Variants in CELF4 observed in about 807,000 individuals in gnomAD.
The protein encoded by CELF4 is CUG-BP- and ETR-3-like factor 4.
Under a neutral mutation model 59.9 loss-of-function variants are expected in CELF4, and 18 were observed. The observed-to-expected ratio is 0.30, with a 90% CI of 0.21 to 0.45. CELF4 has a LOEUF of 0.45. Ranked by LOEUF, CELF4 falls within the 20% of genes least tolerant of loss-of-function variation. CELF4 has a pLI of 1.00. For missense variants in CELF4, 456 were observed against 689.0 expected, an observed-to-expected ratio of 0.66 and a Z score of 3.79; for synonymous variants, 261 against 267.1, an observed-to-expected ratio of 0.98 and a Z score of 0.22.
chr18:37,442,360 T>G (rs964166710), intron 2 of CELF4, among the ~76,000 whole-genome samples: 29 of 152,194 alleles, frequency 1.9e-4, no homozygotes, highest in African/African-American at 4.6e-4. Context: ...GATCTCAGAT[T>G]GATTCTCACT....
chr18:37,558,806 C>CGT (rs147683102), intron 1 of CELF4, among the ~76,000 whole-genome samples: 15,533 of 145,392 alleles, frequency 0.11, 1,033 homozygotes, highest in Admixed American at 0.22. Flanking sequence ...GCTGTCAGGT[C>CGT]GTGTGTGTGT....
chr18:37,350,750 CAA>C (rs1300195318), intron 2 of CELF4, among the ~76,000 whole-genome samples: 1 of 152,228 alleles, frequency 6.6e-6, no homozygotes, highest in Non-Finnish European at 1.5e-5. Flanking sequence ...TAGCAGGCTC[CAA>C]ATGTCTGATG....
chr18:37,537,155 T>C (rs896176249), intron 1 of CELF4, among the ~76,000 whole-genome samples: 2 of 152,212 alleles, frequency 1.3e-5, no homozygotes, highest in Non-Finnish European at 2.9e-5. Context: ...CTTCTCCCCT[T>C]ACATTTTCTG....
At chr18:37,301,421 G>A (rs908159609) in intron 3 of CELF4, among the ~76,000 whole-genome samples, 2 of 152,160 alleles carry the variant, frequency 1.3e-5, no homozygotes, top group African/African-American at 2.4e-5. Flanking sequence ...CAGCATACCC[G>A]GCAAAGATGG....
intron 2 of CELF4, among the ~76,000 whole-genome samples, chr18:37,456,602 C>A (rs1199422124): frequency 6.6e-6 from 1 of 152,190 alleles, no homozygotes; most frequent in Non-Finnish European, 1.5e-5. Flanking sequence ...CTGCTGCCAT[C>A]TTCTGACTGA....
intron 2 of CELF4, among the ~76,000 whole-genome samples, chr18:37,426,802 T>C (rs2099615971): frequency 6.6e-6 from 1 of 152,064 alleles, no homozygotes; most frequent in African/African-American, 2.4e-5. Context: ...GCACATTAAA[T>C]TCATTATTTT....
chr18:37,304,317 G>T (rs963999880), intron 3 of CELF4, among the ~76,000 whole-genome samples: 1 of 152,148 alleles, frequency 6.6e-6, no homozygotes, highest in Middle Eastern at 3.2e-3. Flanking sequence ...TTCTAGAAGG[G>T]CTGGCTATGG....
intron 2 of CELF4, among the ~76,000 whole-genome samples, chr18:37,389,422 C>T (rs1294849526): frequency 6.6e-6 from 1 of 152,186 alleles, no homozygotes; most frequent in Non-Finnish European, 1.5e-5. Context: ...TTAATTGAGC[C>T]TTGCACCACC....
intron 1 of CELF4, among the ~76,000 whole-genome samples, chr18:37,564,262 C>G (rs895471551): frequency 1.3e-5 from 2 of 152,206 alleles, no homozygotes; most frequent in African/African-American, 4.8e-5. Context: ...CCGATTCATT[C>G]CCGCTGCACA....
intron 1 of CELF4, among the ~76,000 whole-genome samples, chr18:37,520,030 T>C (rs973490517): frequency 4.6e-5 from 7 of 152,090 alleles, no homozygotes; most frequent in African/African-American, 1.7e-4. Context: ...ACCCTCTCCT[T>C]GGGGGAGACT....
intron 2 of CELF4, among the ~76,000 whole-genome samples, chr18:37,334,028 C>T (rs1187355435): frequency 6.6e-6 from 1 of 152,182 alleles, no homozygotes; most frequent in Non-Finnish European, 1.5e-5. Flanking sequence ...TGCAGTCCTG[C>T]ACTTGGCCTC....
At chr18:37,410,431 G>T (rs868397536) in intron 2 of CELF4, among the ~76,000 whole-genome samples, 1 of 152,240 alleles carries the variant, frequency 6.6e-6, no homozygotes, top group Non-Finnish European at 1.5e-5. Flanking sequence ...GTGTGGGCAC[G>T]CTGTCCCCCG....
intron 1 of CELF4, among the ~76,000 whole-genome samples, chr18:37,505,025 T>C (rs756825711): frequency 3.0e-4 from 45 of 152,110 alleles, no homozygotes; most frequent in Non-Finnish European, 5.9e-4. Flanking sequence ...CTCCAGCCAC[T>C]GCAGGACACC....
At chr18:37,296,991 G>C (rs962826237) in intron 3 of CELF4, among the ~76,000 whole-genome samples, 2 of 152,130 alleles carry the variant, frequency 1.3e-5, no homozygotes, top group African/African-American at 2.4e-5. Context: ...GGCCAGACTG[G>C]GCAAGCAGCT....
chr18:37,532,692 A>T (rs1392865556), intron 1 of CELF4, among the ~76,000 whole-genome samples: 1 of 152,200 alleles, frequency 6.6e-6, no homozygotes, highest in East Asian at 1.9e-4. Context: ...TAAACCTAGC[A>T]TGTTGTCTAT....
At chr18:37,320,006 G>T (rs1460186555) in intron 3 of CELF4, among the ~76,000 whole-genome samples, 2 of 152,222 alleles carry the variant, frequency 1.3e-5, no homozygotes, top group East Asian at 3.9e-4. Context: ...GGCCACCTTG[G>T]AGGCTGTACC....
intron 3 of CELF4, among the ~76,000 whole-genome samples, chr18:37,290,189 C>A (rs2095238472): frequency 6.6e-6 from 1 of 152,152 alleles, no homozygotes; most frequent in Non-Finnish European, 1.5e-5. Context: ...CCAGCCCCAA[C>A]TCTCCTTCCC....
intron 2 of CELF4, among the ~76,000 whole-genome samples, chr18:37,419,735 G>C (rs1396878914): frequency 2.0e-5 from 3 of 152,206 alleles, no homozygotes; most frequent in African/African-American, 7.2e-5. Flanking sequence ...AGGACCCAGG[G>C]GATGATGAGG....
intron 1 of CELF4, among the ~76,000 whole-genome samples, chr18:37,515,846 C>T (rs2099950099): frequency 6.6e-6 from 1 of 152,132 alleles, no homozygotes; most frequent in Non-Finnish European, 1.5e-5. Context: ...TGGCCAGATC[C>T]TGAAAGGCTG....
Sources: gnomAD v4.1 joint callset for allele counts (sites outside exome capture counted in the v4.1 genomes callset) on GRCh38, gnomAD v4.1.1 for gene constraint, MANE v1.5 for transcripts, NCBI Gene and HGNC (gene_info 2026-07-23, HGNC 2026-07-21) for gene names.